Variants in DIAPH2 observed in about 807,000 individuals in gnomAD.
DIAPH2 encodes protein diaphanous homolog 2.
In DIAPH2, 35 loss-of-function variants were observed where a neutral mutation model predicts 92.7. The ratio of observed to expected loss-of-function variants is 0.38; its 90% confidence interval spans 0.29 to 0.50. The LOEUF (loss-of-function observed/expected upper bound fraction) is 0.50. DIAPH2 is among the 20% of genes least tolerant of loss of function. DIAPH2 has a pLI of 0.94. For missense variants in DIAPH2, 701 were observed against 819.5 expected, an observed-to-expected ratio of 0.86 and a Z score of 1.77; for synonymous variants, 301 against 280.4, an observed-to-expected ratio of 1.07 and a Z score of -0.73.
intron 5 of DIAPH2, among the ~76,000 whole-genome samples, chrX:96,882,053 T>C (rs976637317): frequency 1.5e-5 from 1 of 66,023 alleles, no homozygotes; most frequent in Non-Finnish European, 3.7e-5. Context: ...ATGATTTTAT[T>C]CTTTTTTTTT....
rs374880133 is a variant in DIAPH2, at chrX:97,341,772, C to T, written c.2845-6344C>T. 1.3e-4 allele frequency among the ~76,000 whole-genome samples: 15 copies of T among 111,530 alleles called. No individual in the cohort carries two copies. The South Asian group carries it at 2.7e-3, about 20-fold the overall frequency. On this transcript the variant is annotated intron_variant, in intron 23 of 26. Coordinates refer to ENST00000324765, the MANE Select transcript of DIAPH2 (RefSeq NM_006729.5). Reference sequence around the variant, plus strand: ...AGAGAGAGAGAGCATTCACCCTTCTCCACTTTGGTGTTTTATCTTGGCCCT... The same window carrying T: ...AGAGAGAGAGAGCATTCACCCTTCTTCACTTTGGTGTTTTATCTTGGCCCT...
At chrX:97,504,231 T>C (rs2070817813) in intron 26 of DIAPH2, among the ~76,000 whole-genome samples, 1 of 112,265 alleles carries the variant, frequency 8.9e-6, no homozygotes, top group Non-Finnish European at 1.9e-5. Context: ...ATAGGCTGTA[T>C]AGTAGAGACT....
chrX:97,059,272 C>A (rs2066580112), intron 17 of DIAPH2, among the ~76,000 whole-genome samples: 1 of 111,762 alleles, frequency 8.9e-6, no homozygotes, highest in Admixed American at 9.5e-5. Flanking sequence ...GGAGGCGGGA[C>A]TTCAAGGATG....
intron 20 of DIAPH2, among the ~76,000 whole-genome samples, chrX:97,108,725 C>A (rs2066959332): frequency 8.9e-6 from 1 of 111,817 alleles, no homozygotes; most frequent in African/African-American, 3.3e-5. Flanking sequence ...TGTAATAATA[C>A]AATTTTAATA....
At chrX:97,419,991 T>C (rs2069991139) in intron 25 of DIAPH2, among the ~76,000 whole-genome samples, 1 of 111,692 alleles carries the variant, frequency 9.0e-6, no homozygotes, top group African/African-American at 3.3e-5. Context: ...TTATTTAAAA[T>C]ATCGAATGTG....
chrX:96,848,547 C>G (rs2064987241), intron 4 of DIAPH2, among the ~76,000 whole-genome samples: 2 of 112,024 alleles, frequency 1.8e-5, no homozygotes, highest in African/African-American at 6.5e-5. Flanking sequence ...TCATGTAGAT[C>G]TTGTGGGCAT....
intron 23 of DIAPH2, among the ~76,000 whole-genome samples, chrX:97,272,703 A>G (rs1480792850): frequency 2.7e-5 from 3 of 112,164 alleles, no homozygotes; most frequent in African/African-American, 6.5e-5. Flanking sequence ...GAAAATACCA[A>G]TGAAGACAGG....
At chrX:96,901,109 A>G (rs956268638) in intron 5 of DIAPH2, among the ~76,000 whole-genome samples, 5 of 109,538 alleles carry the variant, frequency 4.6e-5, no homozygotes, top group East Asian at 2.9e-4. Context: ...CTTGTTGACA[A>G]TTTTTTTTTA....
At chrX:97,249,918 A>T (rs1321525456) in intron 23 of DIAPH2, among the ~76,000 whole-genome samples, 1 of 110,588 alleles carries the variant, frequency 9.0e-6, no homozygotes, top group Admixed American at 9.6e-5. Flanking sequence ...CTCAACATGG[A>T]GAAACCCCGT....
intron 9 of DIAPH2, among the ~76,000 whole-genome samples, chrX:96,923,958 G>A (rs2065563210): frequency 8.9e-6 from 1 of 111,870 alleles, no homozygotes; most frequent in Non-Finnish European, 1.9e-5. Flanking sequence ...GAAACAAGAT[G>A]TTGATACTTA....
chrX:97,485,703 C>T (rs1389768456), intron 26 of DIAPH2, among the ~76,000 whole-genome samples: 1 of 112,603 alleles, frequency 8.9e-6, no homozygotes, highest in Non-Finnish European at 1.9e-5. Context: ...TTTGAAGCTC[C>T]AATTCCCTGA....
chrX:96,996,435 G>A (rs1489285538), intron 17 of DIAPH2, among the ~76,000 whole-genome samples: 1 of 111,509 alleles, frequency 9.0e-6, no homozygotes, highest in African/African-American at 3.3e-5. Flanking sequence ...TTAATGATTT[G>A]TGCTTGATGC....
intron 26 of DIAPH2, among the ~76,000 whole-genome samples, chrX:97,534,940 A>C (rs1001575586): frequency 9.0e-6 from 1 of 111,344 alleles, no homozygotes; most frequent in African/African-American, 3.3e-5. Flanking sequence ...CCCCAGTCTA[A>C]TTATGCGGAA....
chrX:96,935,666 C>T (rs1218490563), intron 10 of DIAPH2, among the ~76,000 whole-genome samples: 2 of 111,291 alleles, frequency 1.8e-5, no homozygotes, highest in East Asian at 2.8e-4. Flanking sequence ...TGCTCATATA[C>T]TATGTATATT....
At chrX:97,301,136 G>A (rs1366813056) in intron 23 of DIAPH2, among the ~76,000 whole-genome samples, 1 of 88,904 alleles carries the variant, frequency 1.1e-5, no homozygotes. Flanking sequence ...AGGCCACAGA[G>A]CGAGACTCCG....
chrX:97,122,620 A>T (rs2067065678), intron 21 of DIAPH2, among the ~76,000 whole-genome samples: 1 of 111,939 alleles, frequency 8.9e-6, no homozygotes, highest in Admixed American at 9.5e-5. Flanking sequence ...GACAATATTT[A>T]GCATTAATTG....
intron 3 of DIAPH2, among the ~76,000 whole-genome samples, chrX:96,739,418 A>T (rs2064106377): frequency 8.9e-6 from 1 of 111,818 alleles, no homozygotes; most frequent in South Asian, 3.7e-4. Flanking sequence ...TTTGTGATTC[A>T]TTCATTCAAA....
At chrX:97,529,827 A>G (rs2071048018) in intron 26 of DIAPH2, among the ~76,000 whole-genome samples, 1 of 112,085 alleles carries the variant, frequency 8.9e-6, no homozygotes, top group Admixed American at 9.5e-5. Flanking sequence ...TACTGGGAAA[A>G]AAAAATAGCC....
At chrX:97,242,840 G>A (rs892292397) in intron 22 of DIAPH2, among the ~76,000 whole-genome samples, 3 of 110,003 alleles carry the variant, frequency 2.7e-5, no homozygotes, top group African/African-American at 9.9e-5. Flanking sequence ...AGGCTGGAGT[G>A]CAGTGGTGGG....
Sources: allele counts gnomAD v4.1 joint callset (sites outside exome capture counted in the v4.1 genomes callset), GRCh38; gene constraint gnomAD v4.1.1; transcripts MANE v1.5; gene names NCBI Gene and HGNC (gene_info 2026-07-23, HGNC 2026-07-21).